The following EGFLAM variants were observed in gnomAD, a reference collection of about 807,000 sequenced individuals.
The protein encoded by EGFLAM is EGF like, fibronectin type III and laminin G domains.
A neutral mutation model predicts 113.1 loss-of-function variants in EGFLAM; 79 were observed. The ratio of observed to expected loss-of-function variants is 0.70; its 90% CI spans 0.58 to 0.84. The LOEUF is 0.84. Ranked by LOEUF, EGFLAM falls within the 40% of genes least tolerant of loss-of-function variation. EGFLAM has a pLI of 0.00. For missense variants in EGFLAM, 1,265 were observed against 1,291.6 expected (o/e 0.98, Z 0.32); for synonymous variants, 504 against 487.6 (o/e 1.03, Z -0.44).
rs115613987 is a variant in EGFLAM, at chr5:38,299,723, G to A, written c.98-37797G>A. 4.8e-3 allele frequency among the ~76,000 whole-genome samples: 729 copies of A among 152,160 alleles called. 9 individuals are homozygous for A. Among genetic ancestry groups the A allele is most frequent in the African/African-American group, 0.017 (699 of 41,500 alleles). ...ATCTGGTTGCTTAAAAGAGCATGAC[G>A]TCTCCCCCACTCTCTCTTGCTCCTG... On this transcript the variant is annotated intron_variant, in intron 1 of 21. Transcript: ENST00000322350.
At chr5:38,432,085 G>A (rs1742206413) in intron 15 of EGFLAM, among the ~76,000 whole-genome samples, 3 of 152,144 alleles carry the variant, frequency 2.0e-5, no homozygotes, top group Admixed American at 2.0e-4. Flanking sequence ...ACTATAGCCT[G>A]CTAGGATTCT....
intron 1 of EGFLAM, among the ~76,000 whole-genome samples, chr5:38,299,796 T>A (rs1172551032): frequency 2.0e-5 from 3 of 152,144 alleles, no homozygotes; most frequent in Non-Finnish European, 4.4e-5. Context: ...CTGCAATGAT[T>A]GAAAGCTGCA....
At chr5:38,274,600 G>A (rs1757842562) in intron 1 of EGFLAM, among the ~76,000 whole-genome samples, 1 of 152,122 alleles carries the variant, frequency 6.6e-6, no homozygotes, top group Non-Finnish European at 1.5e-5. Flanking sequence ...ACTGTACCCA[G>A]AAAAGCTGTC....
chr5:38,266,358 A>G (rs1757635832), intron 1 of EGFLAM, among the ~76,000 whole-genome samples: 1 of 152,246 alleles, frequency 6.6e-6, no homozygotes, highest in African/African-American at 2.4e-5. Flanking sequence ...TAAAAATAGG[A>G]TAAAGAAAGA....
intron 6 of EGFLAM, among the ~76,000 whole-genome samples, chr5:38,376,350 G>A (rs549918468): frequency 3.0e-4 from 46 of 152,266 alleles, no homozygotes; most frequent in African/African-American, 1.1e-3. Context: ...TAAGTTACAT[G>A]TGTAATCAAC....
intron 1 of EGFLAM, among the ~76,000 whole-genome samples, chr5:38,333,208 G>A (rs1739090255): frequency 6.6e-6 from 1 of 152,094 alleles, no homozygotes; most frequent in Non-Finnish European, 1.5e-5. Flanking sequence ...TCATTGATGG[G>A]CATTTAGGTT....
At chr5:38,263,993 G>T (rs540442699) in intron 1 of EGFLAM, among the ~76,000 whole-genome samples, 2 of 152,132 alleles carry the variant, frequency 1.3e-5, no homozygotes, top group Non-Finnish European at 2.9e-5. Flanking sequence ...CAGTAGATAG[G>T]GTATAGATCG....
intron 1 of EGFLAM, among the ~76,000 whole-genome samples, chr5:38,283,173 C>A (rs1579723268): frequency 1.3e-5 from 2 of 152,142 alleles, no homozygotes; most frequent in Non-Finnish European, 2.9e-5. Context: ...ATTTACATCA[C>A]AGTACAGTCT....
intron 6 of EGFLAM, among the ~76,000 whole-genome samples, chr5:38,392,218 CTG>C (rs1740831837): frequency 6.6e-6 from 1 of 152,170 alleles, no homozygotes; most frequent in African/African-American, 2.4e-5. Context: ...ATTTGGTTTT[CTG>C]TTTCTACATT....
chr5:38,423,369 A>G (rs925786107), intron 12 of EGFLAM, among the ~76,000 whole-genome samples: 3 of 152,106 alleles, frequency 2.0e-5, no homozygotes, highest in Admixed American at 6.6e-5. Flanking sequence ...CCATTCCCAG[A>G]GTAATCTTGT....
intron 19 of EGFLAM, among the ~76,000 whole-genome samples, chr5:38,451,949 G>T (rs1007282995): frequency 1.5e-5 from 2 of 137,774 alleles, no homozygotes; most frequent in African/African-American, 2.8e-5. Flanking sequence ...CTGAGATCGC[G>T]CTACTGCACT....
chr5:38,267,622 G>C (rs1222914264), intron 1 of EGFLAM, among the ~76,000 whole-genome samples: 1 of 152,060 alleles, frequency 6.6e-6, no homozygotes. Context: ...TCTACCCTGG[G>C]GGAGCTTAGT....
At chr5:38,325,196 G>A (rs1394076742) in intron 1 of EGFLAM, among the ~76,000 whole-genome samples, 3 of 152,094 alleles carry the variant, frequency 2.0e-5, no homozygotes, top group Non-Finnish European at 4.4e-5. Flanking sequence ...TGAAGGGGAG[G>A]GGAGAGGAAG....
intron 5 of EGFLAM, among the ~76,000 whole-genome samples, chr5:38,369,478 C>T (rs1463718669): frequency 2.6e-5 from 4 of 152,148 alleles, no homozygotes; most frequent in Admixed American, 2.6e-4. Flanking sequence ...GAAGAAGTCC[C>T]TTGAATAATG....
At chr5:38,277,440 A>C (rs1757913803) in intron 1 of EGFLAM, among the ~76,000 whole-genome samples, 1 of 151,948 alleles carries the variant, frequency 6.6e-6, no homozygotes, top group African/African-American at 2.4e-5. Context: ...GTATATGACA[A>C]ACCCACAGCC....
chr5:38,289,719 T>C (rs1440784760), intron 1 of EGFLAM, among the ~76,000 whole-genome samples: 1 of 152,190 alleles, frequency 6.6e-6, no homozygotes, highest in Non-Finnish European at 1.5e-5. Context: ...TCGGATATCC[T>C]ACACTGAAGG....
intron 1 of EGFLAM, among the ~76,000 whole-genome samples, chr5:38,314,577 G>A (rs557815336): frequency 6.6e-6 from 1 of 152,312 alleles, no homozygotes; most frequent in African/African-American, 2.4e-5. Flanking sequence ...GACCCTAGAA[G>A]GGCTCCCAGG....
chr5:38,460,090 G>T (rs1295373726), intron 20 of EGFLAM, among the ~76,000 whole-genome samples: 2 of 152,178 alleles, frequency 1.3e-5, no homozygotes, highest in Admixed American at 6.5e-5. Context: ...CATCTTTAAA[G>T]GGGCTTGGCC....
intron 1 of EGFLAM, among the ~76,000 whole-genome samples, chr5:38,278,680 G>C (rs1300456783): frequency 6.6e-6 from 1 of 151,910 alleles, no homozygotes; most frequent in Non-Finnish European, 1.5e-5. Context: ...GTAGAGATGG[G>C]GTTTCACCAT....
Sources: gnomAD v4.1 joint callset for allele counts (sites outside exome capture counted in the v4.1 genomes callset) on GRCh38, gnomAD v4.1.1 for gene constraint, MANE v1.5 for transcripts, NCBI Gene and HGNC (gene_info 2026-07-23, HGNC 2026-07-21) for gene names.